BCAR3: variants seen among roughly 807,000 people sequenced by gnomAD.
The protein encoded by BCAR3 is breast cancer anti-estrogen resistance protein 3.
A neutral mutation model predicts 80.1 loss-of-function variants in BCAR3; 37 were observed. That is an observed-to-expected ratio of 0.46 (90% confidence interval 0.36 to 0.61). BCAR3 has a LOEUF of 0.61. Ranked by LOEUF, BCAR3 falls within the 20% of genes least tolerant of loss-of-function variation. The pLI is 0.00. For synonymous variants in BCAR3, 389 were observed against 418.9 expected, an observed-to-expected ratio of 0.93 and a Z score of 0.87; for missense variants, 978 against 1,068.2, an observed-to-expected ratio of 0.92 and a Z score of 1.18.
intron 2 of BCAR3, among the ~76,000 whole-genome samples, chr1:93,652,683 T>TC: frequency 6.6e-6 from 1 of 152,286 alleles, no homozygotes; most frequent in East Asian, 1.9e-4. Flanking sequence ...TTATGAGTCC[T>TC]CACCCTGTGA....
At chr1:93,827,524 T>C (rs915315668) in intron 2 of BCAR3, among the ~76,000 whole-genome samples, 6 of 152,016 alleles carry the variant, frequency 3.9e-5, no homozygotes, top group African/African-American at 1.5e-4. Context: ...CAAAGCATTT[T>C]GGAGCTGGGC....
At position 93,678,815 on chromosome 1, in the gene BCAR3, G is replaced by A. The variant is rs1392958203; in HGVS notation, c.-12+2783C>T. Among the ~76,000 whole-genome samples, 6 of 152,154 alleles carry A rather than the reference G, an allele frequency of 3.9e-5. No individual in the cohort carries two copies. The South Asian group carries it at 8.3e-4, about 21-fold the overall frequency. On this transcript the variant is annotated intron_variant, in intron 1 of 11. Transcript: ENST00000260502. ...GAAGGAGCCAGTCAAAAAAAGGTCT[G>A]AAGGGGGTTCCAGGCAAGGGATCTG...
chr1:93,568,021 TACTCA>T, intron 9 of BCAR3, 170 bp from the exon 10 acceptor site: 1 of 515,004 alleles, frequency 1.9e-6, no homozygotes, highest in Non-Finnish European at 3.5e-6. Context: ...ACCCTGTCTC[TACTCA>T]AATACAAAAA....
intron 3 of BCAR3, among the ~76,000 whole-genome samples, chr1:93,618,042 G>A (rs1675192670): frequency 1.3e-5 from 2 of 152,258 alleles, no homozygotes; most frequent in African/African-American, 4.8e-5. Context: ...GGAAACCAGG[G>A]AGGACAGGAG....
At chr1:93,666,162 T>C (rs935041890) in intron 2 of BCAR3, among the ~76,000 whole-genome samples, 1 of 152,192 alleles carries the variant, frequency 6.6e-6, no homozygotes, top group African/African-American at 2.4e-5. Flanking sequence ...CCTTTAAAGG[T>C]AGATTTCCTT....
At chr1:93,576,218 T>A in intron 7 of BCAR3, 89 bp from the exon 8 acceptor site, 1 of 868,078 alleles carries the variant, frequency 1.2e-6, no homozygotes, top group Non-Finnish European at 1.8e-6. Context: ...CACACTGAAC[T>A]ACGATGGCGT....
intron 11 of BCAR3, among the ~76,000 whole-genome samples, chr1:93,565,330 T>C (rs1348626526): frequency 1.3e-5 from 2 of 152,124 alleles, no homozygotes; most frequent in African/African-American, 4.8e-5. Flanking sequence ...CCTCCGAAAG[T>C]GCTGGGAATA....
In BCAR3 at chr1:93,744,400, G is replaced by A. The variant is rs373001481; in HGVS notation, c.-62-38258C>T. Among the ~76,000 whole-genome samples the A allele has an allele frequency of 2.6e-4, 40 of 152,226 alleles. 3 individuals carry two copies. Among genetic ancestry groups the A allele is most frequent in the Admixed American group, 1.2e-3 (19 of 15,298 alleles). On this transcript the variant is annotated intron_variant, in intron 2 of 13. Coordinates refer to the BCAR3 transcript ENST00000370244. Reference sequence around the variant, plus strand: ...GTAGTCATATTGAGAAGACCATGTTGCTAATGTAAAGTGCTTCTCCGATAG... The same window carrying A: ...GTAGTCATATTGAGAAGACCATGTTACTAATGTAAAGTGCTTCTCCGATAG...
At chr1:93,747,375 A>G (rs115501085) in intron 2 of BCAR3, among the ~76,000 whole-genome samples, 2 of 148,346 alleles carry the variant, frequency 1.3e-5, no homozygotes, top group East Asian at 3.9e-4. Flanking sequence ...TGTGCCCAGC[A>G]TTGTTGCAGA....
chr1:93,701,477 C>A (rs760653864), intron 3 of BCAR3, among the ~76,000 whole-genome samples: 1 of 152,192 alleles, frequency 6.6e-6, no homozygotes, highest in African/African-American at 2.4e-5. Context: ...CCTAAAGATG[C>A]CTGGCAGGGG....
intron 2 of BCAR3, among the ~76,000 whole-genome samples, chr1:93,826,088 G>C (rs2100826036): frequency 6.6e-6 from 1 of 152,174 alleles, no homozygotes; most frequent in East Asian, 1.9e-4. Context: ...GAGGGGAGAG[G>C]GAAGGAAGAA....
chr1:93,599,981 T>C (rs1342304464), intron 3 of BCAR3, among the ~76,000 whole-genome samples: 1 of 152,184 alleles, frequency 6.6e-6, no homozygotes, highest in African/African-American at 2.4e-5. Flanking sequence ...CCATTTCTAG[T>C]CCCACAACCT....
intron 2 of BCAR3, among the ~76,000 whole-genome samples, chr1:93,844,258 G>T (rs558384814): frequency 2.0e-5 from 3 of 152,318 alleles, no homozygotes; most frequent in Non-Finnish European, 4.4e-5. Context: ...AGTGAGCCAA[G>T]ATCATGCCAT....
intron 2 of BCAR3, among the ~76,000 whole-genome samples, chr1:93,769,450 A>C (rs1267321161): frequency 6.6e-6 from 1 of 150,456 alleles, no homozygotes; most frequent in Non-Finnish European, 1.5e-5. Flanking sequence ...AGAGAAATGC[A>C]ATGTGATGGA....
At chr1:93,708,288 A>G (rs1649894173) in intron 2 of BCAR3, among the ~76,000 whole-genome samples, 1 of 151,944 alleles carries the variant, frequency 6.6e-6, no homozygotes, top group Non-Finnish European at 1.5e-5. Flanking sequence ...GAACAATTAA[A>G]CCCCTAAGCA....
At chr1:93,740,936 G>A (rs1255973239) in intron 2 of BCAR3, among the ~76,000 whole-genome samples, 4 of 152,280 alleles carry the variant, frequency 2.6e-5, no homozygotes, top group Admixed American at 6.5e-5. Context: ...AGATGCAAGC[G>A]CGTCTGCCGA....
At chr1:93,758,804 TC>T (rs1651832777) in intron 2 of BCAR3, among the ~76,000 whole-genome samples, 1 of 152,222 alleles carries the variant, frequency 6.6e-6, no homozygotes, top group Non-Finnish European at 1.5e-5. Flanking sequence ...TCTTTATTTT[TC>T]TATTGCATTT....
chr1:93,801,444 CATTCT>C (rs1044484865), intron 2 of BCAR3, among the ~76,000 whole-genome samples: 1 of 152,216 alleles, frequency 6.6e-6, no homozygotes, highest in African/African-American at 2.4e-5. Context: ...AAAATAGAAT[CATTCT>C]GATGATTCCT....
intron 2 of BCAR3, among the ~76,000 whole-genome samples, chr1:93,665,899 G>C (rs1288933595): frequency 6.6e-6 from 1 of 152,114 alleles, no homozygotes; most frequent in African/African-American, 2.4e-5. Flanking sequence ...CCTGAGCCAT[G>C]CTTGACTATA....
Sources: allele counts gnomAD v4.1 joint callset (sites outside exome capture counted in the v4.1 genomes callset), GRCh38; gene constraint gnomAD v4.1.1; transcripts MANE v1.5; gene names NCBI Gene and HGNC (gene_info 2026-07-23, HGNC 2026-07-21).